The following P2RY11 variants were observed in gnomAD, a reference collection of about 807,000 sequenced individuals.
P2RY11 encodes purinergic receptor P2Y11, also known as P2Y purinoceptor 11.
Under a neutral mutation model 2.4 loss-of-function variants are expected in P2RY11, and 3 were observed. The ratio of observed to expected loss-of-function variants is 1.22; its 90% confidence interval spans 0.56 to 3.17. The LOEUF is 3.17. P2RY11 is among the 30% of genes most tolerant of loss of function. The probability of loss-of-function intolerance (pLI) is 0.03; values close to 1 mark genes in which losing one functional copy is unlikely to be tolerated. For missense variants in P2RY11, 670 were observed against 528.2 expected, an observed-to-expected ratio of 1.27 and a Z score of -2.63; for synonymous variants, 307 against 237.3, an observed-to-expected ratio of 1.29 and a Z score of -2.70.
rs145464312 is a variant in P2RY11 at position 10,113,871 on chromosome 19, C to T, written c.258C>T (p.Ala86=). The stretch of plus-strand genomic sequence containing the variant: ...GCGCCCTGACGCTGCCCCCGCTGGC[C>T]GCCTACCTCTATCCCCCCAAGCACT... ...LLCALTLPPL[A]AYLYPPKHWR... The change falls in exon 2 of 2, where the codon GCC becomes GCT. Residue 86 remains alanine, a synonymous_variant. Coordinates refer to ENST00000321826, the MANE Select transcript of P2RY11 (RefSeq NM_002566.5). The T allele has an allele frequency of 8.5e-5, 137 of 1,610,762 alleles. No homozygotes were observed. The African/African-American group carries it at 1.1e-3, about 13-fold the overall frequency.
At position 10,114,464 on chromosome 19, in the gene P2RY11, G is replaced by A; in HGVS notation, c.851G>A (p.Ser284Asn). 1 of 1,612,218 alleles carries A rather than the reference G, an allele frequency of 6.2e-7. No individual in the cohort carries two copies. Among genetic ancestry groups the A allele is most frequent in the African/African-American group, 1.3e-5 (1 of 75,066 alleles). ...ARRRWSTRCP[S>N]FADIAQATAA... is the part of the protein sequence containing the mutation. ...CGGCGCTGGAGCACCCGCTGCCCGA[G>A]CTTTGCAGACATAGCCCAGGCCACA... The change falls in exon 2 of 2, where the codon AGC becomes AAC. Residue 284 changes from serine to asparagine, a missense_variant. Ser to Asn is a conservative substitution (Grantham distance 46, BLOSUM62 1). Coordinates refer to ENST00000321826, the MANE Select transcript of P2RY11 (RefSeq NM_002566.5).
chr19:10,113,755 C>T lies in P2RY11; in HGVS notation c.142C>T (p.Leu48=), dbSNP rs1568490359. ...CCTGGTGGCCGTGGCCAGCAATGGCCTGGCCCTGTACCGCTTCAGCATCCG... is the reference window on the plus strand; with the variant it reads ...CCTGGTGGCCGTGGCCAGCAATGGCTTGGCCCTGTACCGCTTCAGCATCCG... ...EFLVAVASNG[L]ALYRFSIRKQ... is the part of the protein sequence containing the mutation. Residue 48 remains leucine (L), a synonymous_variant, in exon 2 of 2, where the codon CTG becomes TTG. Coordinates refer to ENST00000321826, the MANE Select transcript of P2RY11 (RefSeq NM_002566.5). The T allele has an allele frequency of 6.2e-7, 1 of 1,614,136 alleles. No homozygotes were observed. The highest frequency in any genetic ancestry group is 8.5e-7 in the Non-Finnish European group (1 of 1,179,992).
At position 10,113,683 on chromosome 19, in the gene P2RY11, A is replaced by ATG; in HGVS notation, c.70_71insTG (p.Ser24MetfsTer58). ...CTTGGCAGCTGCCGACGACAAACTC[A>ATG]GTGGGTTCCAGGGGGACTTCCTGTG... is the stretch of plus-strand genomic sequence containing the variant. On this transcript the variant is annotated frameshift_variant, in exon 2 of 2. Transcript: ENST00000321826. LOFTEE classifies it low-confidence loss of function (END_TRUNC). The ATG allele has an allele frequency of 6.3e-7, 1 of 1,589,722 alleles. No homozygotes were observed. The highest frequency in any genetic ancestry group is 1.7e-5 in the Admixed American group (1 of 58,224).
intron 1 of P2RY11, chr19:10,112,003 G>C: frequency 2.3e-6 from 1 of 439,462 alleles, no homozygotes; most frequent in South Asian, 2.5e-5. Flanking sequence ...CCAGCTACTC[G>C]GGAGGCTGAG....
At position 10,115,232 on chromosome 19, in the gene P2RY11, TGTG is replaced by T. The variant is rs2089220577; in HGVS notation, c.*495_*497del. On this transcript the variant is annotated 3_prime_UTR_variant, in exon 2 of 2. Transcript: ENST00000321826. ...GGTGGGTGGGCAGAGGACGGGGTAA[TGTG>T]AGGACGAAGCGGGCACGGAGCCAGA... The T allele has an allele frequency of 3.4e-6, 5 of 1,456,184 alleles. No homozygotes were observed. In the Admixed American group the frequency reaches 1.0e-4, roughly 30 times the overall value. 90.2% of individuals were successfully genotyped at this position (1,456,184 alleles called of 1,614,324 possible).
chr19:10,114,552 C>G lies in P2RY11; in HGVS notation c.939C>G (p.Ala313=), dbSNP rs772010189. 1.9e-5 allele frequency: 31 copies of G among 1,613,046 alleles called. No individual in the cohort carries two copies. The highest frequency in any genetic ancestry group is 2.5e-5 in the Non-Finnish European group (29 of 1,179,464). Residue 313 remains alanine, a synonymous_variant, in exon 2 of 2, where the codon GCC becomes GCG. Coordinates refer to ENST00000321826, the MANE Select transcript of P2RY11 (RefSeq NM_002566.5). ...YQVMRGLMPL[A]FCVHPLLYMA... ...TGATGCGGGGCCTCATGCCCCTGGC[C>G]TTCTGTGTCCACCCTCTACTCTACA... is the stretch of plus-strand genomic sequence containing the variant.
rs1199292727 is a variant in P2RY11 at position 10,113,510 on chromosome 19, C to T, written c.20-123C>T. Reference sequence around the variant, plus strand: ...ACATAAAGGAGTGGAGCCCGGTCCCCCTCCAGGGAGGGGAAAGAACTCGTG... The same window carrying T: ...ACATAAAGGAGTGGAGCCCGGTCCCTCTCCAGGGAGGGGAAAGAACTCGTG... On this transcript the variant is annotated intron_variant, in intron 1 of 1. Coordinates refer to ENST00000321826, the MANE Select transcript of P2RY11 (RefSeq NM_002566.5). The T allele has an allele frequency of 2.8e-6, 4 of 1,422,116 alleles. No individual in the cohort carries two copies. The East Asian group carries it at 7.1e-5, about 25-fold the overall frequency. 88.1% of individuals were successfully genotyped at this position (1,422,116 alleles called of 1,614,324 possible).
intron 1 of P2RY11, 73 bp from the exon 2 acceptor site, chr19:10,113,560 C>G: frequency 6.5e-7 from 1 of 1,538,234 alleles, no homozygotes; most frequent in Non-Finnish European, 8.8e-7. Context: ...CCATGGCAGA[C>G]GTGGGCTCTT....
At chr19:10,113,152 A>C (rs2089151736) in intron 1 of P2RY11, among the ~76,000 whole-genome samples, 1 of 152,142 alleles carries the variant, frequency 6.6e-6, no homozygotes, top group African/African-American at 2.4e-5. Context: ...ACCTGGAAGC[A>C]AAAGGATGGG....
intron 1 of P2RY11, 50 bp downstream of exon 1, chr19:10,111,790 A>T: frequency 6.2e-7 from 1 of 1,607,326 alleles, no homozygotes; most frequent in Non-Finnish European, 8.5e-7. Flanking sequence ...GATTGTCAGG[A>T]GGTGGGGGTA....
rs572891487 is a variant in P2RY11 at position 10,114,330 on chromosome 19, T to G, written c.717T>G (p.Thr239=). The G allele has an allele frequency of 1.9e-6, 3 of 1,600,054 alleles. No individual in the cohort carries two copies. Among genetic ancestry groups the G allele is most frequent in the South Asian group, 2.2e-5 (2 of 90,988 alleles). ...GRAVLRSPGM[T]VAEKLRVAAL... ...CCGTGCTACGCAGCCCAGGCATGAC[T>G]GTGGCCGAGAAGCTGCGTGTGGCAG... Residue 239 remains threonine (T), a synonymous_variant, in exon 2 of 2, where the codon ACT becomes ACG. Coordinates refer to ENST00000321826, the MANE Select transcript of P2RY11 (RefSeq NM_002566.5).
Position 10,115,253 on chromosome 19 carries a change from G to A in P2RY11, c.*515G>A. On this transcript the variant is annotated 3_prime_UTR_variant, in exon 2 of 2. Coordinates refer to ENST00000321826, the MANE Select transcript of P2RY11 (RefSeq NM_002566.5). ...GTAATGTGAGGACGAAGCGGGCACG[G>A]AGCCAGATGGCCAGTCTCCAGGCCT... is the stretch of plus-strand genomic sequence containing the variant. The A allele has an allele frequency of 1.5e-6, 2 of 1,313,444 alleles. No individual in the cohort carries two copies. The highest frequency in any genetic ancestry group is 2.8e-5 in the South Asian group (2 of 70,524). The allele number at this position is 1,313,444 out of a possible 1,614,324, so 81.4% of individuals were successfully genotyped here. A position where few individuals can be genotyped will look rare whatever the true frequency, so the allele number is the denominator to read the frequency against.
chr19:10,114,381 C>G lies in P2RY11; in HGVS notation c.768C>G (p.Leu256=), dbSNP rs373957925. The G allele has an allele frequency of 3.7e-5, 59 of 1,608,002 alleles. No homozygotes were observed. Among genetic ancestry groups the G allele is most frequent in the Non-Finnish European group, 4.8e-5 (57 of 1,179,872 alleles). The stretch of plus-strand genomic sequence containing the variant: ...CGTTGGTGGCCAGTGGTGTGGCCCT[C>G]TACGCCAGCTCCTATGTGCCCTACC... ...VAALVASGVA[L]YASSYVPYHI... Residue 256 remains leucine (L), a synonymous_variant, in exon 2 of 2, where the codon CTC becomes CTG. Coordinates refer to ENST00000321826, the MANE Select transcript of P2RY11 (RefSeq NM_002566.5).
In P2RY11 at chr19:10,114,230, G is replaced by T. The variant is rs1030208745; in HGVS notation, c.617G>T (p.Ser206Ile). The change falls in exon 2 of 2, where the codon AGC becomes ATC. Residue 206 changes from serine (S) to isoleucine (I), a missense_variant. Ser to Ile is a moderately radical substitution (Grantham distance 142). Transcript: ENST00000321826. ...GGGCTGGCGGCCTACAGAGCGTATA[G>T]CCTGGTGCTGGCGGGGTTGGGCTGC... is the stretch of plus-strand genomic sequence containing the variant. ...DHGLAAYRAY[S>I]LVLAGLGCGL... 1.3e-6 allele frequency: 2 copies of T among 1,599,494 alleles called. No individual in the cohort carries two copies. The highest frequency in any genetic ancestry group is 1.7e-6 in the Non-Finnish European group (2 of 1,179,362).
chr19:10,113,186 GCT>G (rs1288195246), intron 1 of P2RY11, among the ~76,000 whole-genome samples: 1 of 152,218 alleles, frequency 6.6e-6, no homozygotes, highest in Non-Finnish European at 1.5e-5. Flanking sequence ...GCTCGCGGGT[GCT>G]CTCTGGTGGC....
intron 1 of P2RY11, among the ~76,000 whole-genome samples, chr19:10,112,663 G>A (rs2089130730): frequency 1.3e-5 from 2 of 152,218 alleles, no homozygotes; most frequent in South Asian, 2.1e-4. Context: ...GTGTGGCTGG[G>A]CACGGTGGCT....
rs954541483 is a variant in P2RY11, at chr19:10,114,931, G to T, written c.*193G>T. On this transcript the variant is annotated 3_prime_UTR_variant, in exon 2 of 2. Coordinates refer to ENST00000321826, the MANE Select transcript of P2RY11 (RefSeq NM_002566.5). Reference sequence around the variant, plus strand: ...CGCTGGCCACAGGGCTCCCTGCAGGGTCAGGGACCAGACCACGCCCAGAGG... The same window carrying T: ...CGCTGGCCACAGGGCTCCCTGCAGGTTCAGGGACCAGACCACGCCCAGAGG... The T allele has an allele frequency of 4.8e-5, 66 of 1,387,142 alleles. No homozygotes were observed. The highest frequency in any genetic ancestry group is 6.4e-5 in the Non-Finnish European group (65 of 1,012,568). 85.9% of individuals were successfully genotyped at this position (1,387,142 alleles called of 1,614,324 possible).
Position 10,115,139 on chromosome 19 carries a change from G to A in P2RY11, c.*401G>A. ...TTAGTTGGTGGACGGCCTGGGGTAG[G>A]GGAGGGTGGCAGGTATAAGACTTCT... On this transcript the variant is annotated 3_prime_UTR_variant, in exon 2 of 2. Transcript: ENST00000321826. 6.2e-7 allele frequency: 1 copy of A among 1,613,874 alleles called. No individual in the cohort carries two copies. Among genetic ancestry groups the A allele is most frequent in the Admixed American group, 1.7e-5 (1 of 59,992 alleles).
At position 10,114,679 on chromosome 19, in the gene P2RY11, CT is replaced by C. The variant is rs1243535435; in HGVS notation, c.1067del (p.Leu356ProfsTer17). The C allele has an allele frequency of 6.2e-7, 1 of 1,613,590 alleles. No homozygotes were observed. The highest frequency in any genetic ancestry group is 2.2e-5 in the East Asian group (1 of 44,860). ...DAKSTGQALP[L>X]NATAAPKPSE... is the part of the protein sequence containing the mutation. ...CAAGAGCACTGGCCAAGCCCTGCCC[CT>C]CAATGCCACAGCCGCCCCTAAACCG... On this transcript the variant is annotated frameshift_variant, in exon 2 of 2. Coordinates refer to ENST00000321826, the MANE Select transcript of P2RY11 (RefSeq NM_002566.5). LOFTEE classifies it low-confidence loss of function (END_TRUNC).
Sources: allele counts gnomAD v4.1 joint callset (sites outside exome capture counted in the v4.1 genomes callset), GRCh38; gene constraint gnomAD v4.1.1; transcripts MANE v1.5; gene names NCBI Gene and HGNC (gene_info 2026-07-23, HGNC 2026-07-21).